Variants in CDC42BPA observed in about 807,000 individuals in gnomAD.
CDC42BPA encodes CDC42 binding protein kinase alpha.
A neutral mutation model predicts 223.5 loss-of-function variants in CDC42BPA; 80 were observed. That is an observed-to-expected ratio of 0.36 (90% CI 0.30 to 0.43). CDC42BPA has a LOEUF of 0.43. Among genes scored for constraint, CDC42BPA ranks in the 20% least tolerant of loss-of-function variants. The probability of loss-of-function intolerance (pLI) is 1.00; values close to 1 mark genes in which losing one functional copy is unlikely to be tolerated. For synonymous variants in CDC42BPA, 694 were observed against 718.6 expected (o/e 0.97, Z 0.55); for missense variants, 1,743 against 2,099.9 (o/e 0.83, Z 3.32).
intron 16 of CDC42BPA, among the ~76,000 whole-genome samples, chr1:227,091,243 T>C (rs766728146): frequency 6.6e-6 from 1 of 152,182 alleles, no homozygotes; most frequent in Non-Finnish European, 1.5e-5. Context: ...CAGATGGTGA[T>C]ATGACTTCAA....
intron 2 of CDC42BPA, among the ~76,000 whole-genome samples, chr1:227,227,407 A>G (rs997052975): frequency 5.9e-5 from 9 of 152,230 alleles, no homozygotes; most frequent in Admixed American, 1.3e-4. Flanking sequence ...CCCAATGAAA[A>G]TAACACTTTT....
chr1:227,078,196 C>T (rs1481466105), intron 17 of CDC42BPA, among the ~76,000 whole-genome samples: 3 of 152,126 alleles, frequency 2.0e-5, no homozygotes, highest in Non-Finnish European at 4.4e-5. Flanking sequence ...TCAGAACACA[C>T]AGTCTAGTTT....
chr1:227,312,791 CTT>C (rs2148830007), intron 1 of CDC42BPA, among the ~76,000 whole-genome samples: 1 of 135,660 alleles, frequency 7.4e-6, no homozygotes, highest in East Asian at 2.3e-4. Flanking sequence ...CAGACTTCCC[CTT>C]TGTGTTGTGA....
At chr1:227,126,513 AAGGAAGGTAAGAAAGG>A (rs1689661673) in intron 11 of CDC42BPA, among the ~76,000 whole-genome samples, 1 of 92,370 alleles carries the variant, frequency 1.1e-5, no homozygotes, top group African/African-American at 4.0e-5. Flanking sequence ...GGAAGGAAGG[AAGGAAGGTAAGAAAGG>A]AAAAAGAAGA....
chr1:227,096,200 T>C (rs190675933), intron 15 of CDC42BPA, among the ~76,000 whole-genome samples: 1 of 152,306 alleles, frequency 6.6e-6, no homozygotes, highest in East Asian at 1.9e-4. Flanking sequence ...TAGACAGATG[T>C]TAAATTTAGT....
rs772856713 is a variant in CDC42BPA at position 227,073,990 on chromosome 1, C to T, written c.2609G>A (p.Arg870His). Residue 870 changes from arginine (R) to histidine (H), a missense_variant, in exon 19 of 37, where the codon CGT (arginine) becomes CAT (histidine). Physicochemically the swap from Arg to His is conservative, Grantham distance 29. Transcript: ENST00000366766. Reference protein sequence around the residue: ...RATDMPWKMRRFAKLDMSARL... With the variant: ...RATDMPWKMRHFAKLDMSARL... Reference sequence around the variant, plus strand: ...AGCTGACATATCCAGTTTCGCAAAACGACGCATTTTCCAGGGCATATCCTA... The same window carrying T: ...AGCTGACATATCCAGTTTCGCAAAATGACGCATTTTCCAGGGCATATCCTA... 2.5e-6 allele frequency: 4 copies of T among 1,611,858 alleles called. No homozygotes were observed. Among genetic ancestry groups the T allele is most frequent in the East Asian group, 2.2e-5 (1 of 44,800 alleles).
At chr1:227,054,954 A>C (rs921312746) in intron 21 of CDC42BPA, among the ~76,000 whole-genome samples, 2 of 152,032 alleles carry the variant, frequency 1.3e-5, no homozygotes, top group South Asian at 4.1e-4. Flanking sequence ...AAATATTAAA[A>C]ATAAGTGAAA....
intron 2 of CDC42BPA, among the ~76,000 whole-genome samples, chr1:227,229,419 G>C (rs1028101918): frequency 6.6e-6 from 1 of 152,110 alleles, no homozygotes; most frequent in Non-Finnish European, 1.5e-5. Context: ...TTGCTTTGTA[G>C]TAAGTTTTGA....
At chr1:227,118,347 T>C (rs645081) in intron 12 of CDC42BPA, among the ~76,000 whole-genome samples, 126,246 of 152,078 alleles carry the variant, frequency 0.83, 52,449 homozygotes, top group East Asian at 0.88. Context: ...AAAACCATAA[T>C]GAGCTGTCAC....
intron 34 of CDC42BPA, among the ~76,000 whole-genome samples, chr1:227,015,851 A>T (rs963430682): frequency 2.6e-5 from 4 of 152,226 alleles, no homozygotes; most frequent in Non-Finnish European, 5.9e-5. Context: ...ATTCTCCAAT[A>T]TGGAACTAAG....
chr1:227,220,893 C>T (rs969505298), intron 2 of CDC42BPA, among the ~76,000 whole-genome samples: 7 of 152,170 alleles, frequency 4.6e-5, no homozygotes, highest in Non-Finnish European at 1.0e-4. Flanking sequence ...AAACGTCACC[C>T]CCATTTTACC....
At chr1:227,175,402 T>C (rs866248538) in intron 5 of CDC42BPA, among the ~76,000 whole-genome samples, 2 of 152,110 alleles carry the variant, frequency 1.3e-5, no homozygotes, top group South Asian at 4.1e-4. Context: ...AAAGTCATAG[T>C]CTATGCCTCT....
chr1:227,298,688 TGAAAGCCAAGGACTATCTGGCATAAGCA>T (rs1487079872), intron 1 of CDC42BPA, among the ~76,000 whole-genome samples: 1 of 152,152 alleles, frequency 6.6e-6, no homozygotes, highest in Non-Finnish European at 1.5e-5. Flanking sequence ...TTCTGGCAAA[TGAAAGCCAAGGACTATCTGGCATAAGCA>T]GATACAGACA....
chr1:227,071,719 C>T (rs1373403774), intron 20 of CDC42BPA, among the ~76,000 whole-genome samples: 2 of 51,080 alleles, frequency 3.9e-5, no homozygotes, highest in African/African-American at 1.5e-4. Flanking sequence ...ATCCCACCCC[C>T]CCCCCCCCAA....
intron 5 of CDC42BPA, among the ~76,000 whole-genome samples, chr1:227,162,947 A>G (rs1664235479): frequency 7.2e-6 from 1 of 139,756 alleles, no homozygotes; most frequent in African/African-American, 2.8e-5. Flanking sequence ...TGTGTTTCCA[A>G]ACATATATGT....
chr1:227,169,492 G>A (rs759570405), intron 5 of CDC42BPA, among the ~76,000 whole-genome samples: 5 of 151,986 alleles, frequency 3.3e-5, no homozygotes, highest in Non-Finnish European at 5.9e-5. Context: ...GTCTTTAGCT[G>A]AGCAGCTCTG....
chr1:227,187,638 G>A (rs61834564), intron 5 of CDC42BPA, among the ~76,000 whole-genome samples: 23,635 of 141,328 alleles, frequency 0.17, 2,106 homozygotes, highest in Middle Eastern at 0.2. Context: ...CACAGAGCCA[G>A]GAAATTCAAA....
Position 227,034,401 on chromosome 1 carries a change from T to A in CDC42BPA, c.3476+254A>T, listed in dbSNP as rs575698795. On this transcript the variant is annotated intron_variant, in intron 26 of 36. Transcript: ENST00000366766. ...CACATGGTAGGCCTCCATTACCCCA[T>A]TTACACAGGTCTTTGGGACACCAAC... 1.6e-4 allele frequency among the ~76,000 whole-genome samples: 25 copies of A among 152,278 alleles called. No individual in the cohort carries two copies. The South Asian group carries it at 5.0e-3, about 30-fold the overall frequency.
intron 15 of CDC42BPA, among the ~76,000 whole-genome samples, chr1:227,092,413 T>C (rs1008135404): frequency 8.5e-5 from 13 of 152,232 alleles, no homozygotes; most frequent in Non-Finnish European, 1.6e-4. Flanking sequence ...CTTTAGATTA[T>C]ATAGTCAGAG....
Sources: allele counts gnomAD v4.1 joint callset (sites outside exome capture counted in the v4.1 genomes callset), GRCh38; gene constraint gnomAD v4.1.1; transcripts MANE v1.5; gene names NCBI Gene and HGNC (gene_info 2026-07-23, HGNC 2026-07-21).